KCNC1: variants seen among roughly 807,000 people sequenced by gnomAD.
KCNC1 encodes the protein voltage-gated potassium channel KCNC1.
In KCNC1, 8 loss-of-function variants were observed where a neutral mutation model predicts 43.4. The ratio of observed to expected loss-of-function variants is 0.18; its 90% confidence interval spans 0.11 to 0.33. KCNC1 has a LOEUF of 0.33. KCNC1 is among the 10% of genes least tolerant of loss of function. KCNC1 has a pLI of 1.00. For synonymous variants in KCNC1, 361 were observed against 360.5 expected, an observed-to-expected ratio of 1.00 and a Z score of -0.01; for missense variants, 420 against 836.0, an observed-to-expected ratio of 0.50 and a Z score of 6.14.
chr11:17,756,520 A>AACACACACAC (rs3051818), intron 1 of KCNC1, among the ~76,000 whole-genome samples: 44 of 143,990 alleles, frequency 3.1e-4, no homozygotes, highest in South Asian at 4.7e-4. Context: ...CTTCCCTCCA[A>AACACACACAC]ACACACACAC....
rs765166392 is a variant in KCNC1 at position 17,736,451 on chromosome 11, A to C, written c.449A>C (p.Glu150Ala). 6.2e-7 allele frequency: 1 copy of C among 1,604,310 alleles called. No homozygotes were observed. Among genetic ancestry groups the C allele is most frequent in the Non-Finnish European group, 8.5e-7 (1 of 1,178,072 alleles). ...TCGGGCGACGGCGAGGACGAGCTGGAGATGACCAAGCGCCTGGCGCTCAGT... is the reference window on the plus strand; with the variant it reads ...TCGGGCGACGGCGAGGACGAGCTGGCGATGACCAAGCGCCTGGCGCTCAGT... Reference protein sequence around the residue: ...GDSGDGEDELEMTKRLALSDS... With the variant: ...GDSGDGEDELAMTKRLALSDS... Residue 150 changes from glutamate (E) to alanine (A), a missense_variant, in exon 1 of 4, where the codon GAG (glutamate) becomes GCG (alanine). Glu to Ala is a moderately radical substitution (Grantham distance 107). Transcript: ENST00000265969. The surrounding 1 kb of genome is among the most constrained non-coding windows in gnomAD (Gnocchi z 9.3).
In KCNC1 at chr11:17,777,949, G is replaced by GT; in HGVS notation, c.1505-1507_1505-1506insT. ...TGCGTGTAGTTACATGATGTGAACA[G>GT]GATCACGGGAGAGTGTTCAATCGGG... is the stretch of plus-strand genomic sequence containing the variant. On this transcript the variant is annotated intron_variant, in intron 2 of 3. Transcript: ENST00000265969. The surrounding 1 kb of genome is among the most constrained non-coding windows in gnomAD (Gnocchi z 4.3). The GT allele has an allele frequency of 1.7e-5, 10 of 605,348 alleles. No individual in the cohort carries two copies. Among genetic ancestry groups the GT allele is most frequent in the Non-Finnish European group, 1.9e-5 (9 of 482,572 alleles). The allele number at this position is 605,348 out of a possible 1,614,324, so 37.5% of individuals were successfully genotyped here.
rs991304915 is a variant in KCNC1, at chr11:17,771,562, T to C, written c.571-103T>C. On this transcript the variant is annotated intron_variant, in intron 1 of 3. Transcript: ENST00000265969. The surrounding 1 kb of genome is among the most constrained non-coding windows in gnomAD (Gnocchi z 4.7). ...GTAGCACGTGCTGCAGGGGGCCTGG[T>C]GCTGGCATCTCCCCCCGCCTGGCCC... The C allele has an allele frequency of 3.1e-6, 3 of 972,118 alleles. No homozygotes were observed. In the African/African-American group the frequency reaches 4.9e-5, roughly 16 times the overall value. 60.2% of individuals were successfully genotyped at this position (972,118 alleles called of 1,614,324 possible).
Position 17,781,742 on chromosome 11 carries a change from G to A in KCNC1, c.*8G>A, listed in dbSNP as rs1251963943. ...GCTGTGAGAGTGACTTGACCAGGCG[G>A]CTTGGCCGAGGACACTGGTGGCTAT... On this transcript the variant is annotated 3_prime_UTR_variant, in exon 4 of 4. Transcript: ENST00000265969. The surrounding 1 kb of genome is among the most constrained non-coding windows in gnomAD (Gnocchi z 5.1). 1 of 1,548,264 alleles carries A rather than the reference G, an allele frequency of 6.5e-7. No individual in the cohort carries two copies. The highest frequency in any genetic ancestry group is 1.2e-5 in the South Asian group (1 of 83,974).
intron 1 of KCNC1, among the ~76,000 whole-genome samples, chr11:17,740,359 C>T (rs953123433): frequency 2.6e-5 from 4 of 152,072 alleles, no homozygotes; most frequent in Non-Finnish European, 4.4e-5. Flanking sequence ...TTCCTGGGGC[C>T]ATGAGAATAA....
chr11:17,762,141 A>G (rs1418202134), intron 1 of KCNC1, among the ~76,000 whole-genome samples: 1 of 152,176 alleles, frequency 6.6e-6, no homozygotes, highest in Non-Finnish European at 1.5e-5. Context: ...AGGGCTGGCC[A>G]TCACTGGATA....
At chr11:17,774,933 C>G (rs1241785798) in intron 2 of KCNC1, 1 of 985,342 alleles carries the variant, frequency 1.0e-6, no homozygotes, top group East Asian at 1.1e-4. Context: ...CGTGTGAGAC[C>G]CCGGCTATCC....
At chr11:17,772,796 C>T in intron 2 of KCNC1, 198 bp downstream of exon 2, 3 of 1,457,534 alleles carry the variant, frequency 2.1e-6, no homozygotes, top group East Asian at 2.4e-5. Context: ...GCTAGAGGAA[C>T]CTCACTGGTG....
rs1049199565 is a variant in KCNC1 at position 17,777,113 on chromosome 11, T to G, written c.1505-2343T>G. On this transcript the variant is annotated intron_variant, in intron 2 of 3. Coordinates refer to ENST00000265969, the MANE Select transcript of KCNC1 (RefSeq NM_001112741.2). The surrounding 1 kb of genome is among the most constrained non-coding windows in gnomAD (Gnocchi z 4.3). Reference sequence around the variant, plus strand: ...CAAAACCATCCCGAACTTTGGGCCCTTTAGTGATTGTGAGAGCTGGGAGCC... The same window carrying G: ...CAAAACCATCCCGAACTTTGGGCCCGTTAGTGATTGTGAGAGCTGGGAGCC... 1.0e-6 allele frequency: 1 copy of G among 984,842 alleles called. No homozygotes were observed. The highest frequency in any genetic ancestry group is 1.2e-6 in the Non-Finnish European group (1 of 829,836). 61.0% of individuals were successfully genotyped at this position (984,842 alleles called of 1,614,324 possible).
At chr11:17,749,615 C>G (rs1315083635) in intron 1 of KCNC1, among the ~76,000 whole-genome samples, 2 of 152,224 alleles carry the variant, frequency 1.3e-5, no homozygotes, top group South Asian at 4.1e-4. Flanking sequence ...CTCAGGGGCT[C>G]TCTGAGCAGC....
At chr11:17,768,616 G>GC (rs942994836) in intron 1 of KCNC1, among the ~76,000 whole-genome samples, 8 of 150,928 alleles carry the variant, frequency 5.3e-5, no homozygotes, top group East Asian at 1.9e-4. Flanking sequence ...TGTTGGTGGG[G>GC]GGGGGGGCGG....
At chr11:17,747,621 C>T (rs1356500981) in intron 1 of KCNC1, among the ~76,000 whole-genome samples, 12 of 152,170 alleles carry the variant, frequency 7.9e-5, no homozygotes, top group Admixed American at 4.6e-4. Flanking sequence ...TCCGCCAGGC[C>T]GACGCCAGCC....
chr11:17,745,313 C>G (rs1848886577), intron 1 of KCNC1, among the ~76,000 whole-genome samples: 1 of 152,176 alleles, frequency 6.6e-6, no homozygotes, highest in East Asian at 1.9e-4. Flanking sequence ...GCAACCGCAT[C>G]CATCTGGTGG....
At position 17,734,877 on chromosome 11, in the gene KCNC1, C is replaced by T. The variant is rs1364012190; in HGVS notation, c.-1126C>T. 6.7e-6 allele frequency: 1 copy of T among 149,858 alleles called. No homozygotes were observed. Among genetic ancestry groups the T allele is most frequent in the Non-Finnish European group, 1.5e-5 (1 of 67,074 alleles). 9.3% of individuals were successfully genotyped at this position (149,858 alleles called of 1,614,324 possible). A position where few individuals can be genotyped will look rare whatever the true frequency, so the allele number is the denominator to read the frequency against. On this transcript the variant is annotated 5_prime_UTR_variant, in exon 1 of 4. Transcript: ENST00000265969. ...CGGCGGCGGCAGCGGCCGCTCCGCG[C>T]CTCGCCTCACCGGCCTCGCTGGCCT...
chr11:17,773,877 C>T lies in KCNC1; in HGVS notation c.1504+1279C>T, dbSNP rs759002334. On this transcript the variant is annotated intron_variant, in intron 2 of 3. Transcript: ENST00000265969. This position sits in a 1 kb window ranked among gnomAD's most constrained non-coding sequence, Gnocchi z 4.1. ...CAGGTGGCATTTAGTCTATGAAGGACCTCCCCATGCCCAGGTCTGGCAGGA... is the reference window on the plus strand; with the variant it reads ...CAGGTGGCATTTAGTCTATGAAGGATCTCCCCATGCCCAGGTCTGGCAGGA... The T allele has an allele frequency of 4.0e-5, 39 of 985,344 alleles. No homozygotes were observed. In the Admixed American group the frequency reaches 2.4e-3, roughly 61 times the overall value. 61.0% of individuals were successfully genotyped at this position (985,344 alleles called of 1,614,324 possible). A position where few individuals can be genotyped will look rare whatever the true frequency, so the allele number is the denominator to read the frequency against.
intron 1 of KCNC1, among the ~76,000 whole-genome samples, chr11:17,741,192 G>A (rs1325335697): frequency 6.6e-6 from 1 of 151,836 alleles, no homozygotes; most frequent in Non-Finnish European, 1.5e-5. Flanking sequence ...GGGGTCCTCA[G>A]GTCTTTGAAT....
intron 1 of KCNC1, among the ~76,000 whole-genome samples, chr11:17,769,064 G>C (rs757869274): frequency 6.6e-6 from 1 of 152,202 alleles, no homozygotes; most frequent in Non-Finnish European, 1.5e-5. Context: ...CTGGATCTGG[G>C]AGCCATGGCT....
At chr11:17,748,987 A>C (rs1848933956) in intron 1 of KCNC1, among the ~76,000 whole-genome samples, 1 of 151,956 alleles carries the variant, frequency 6.6e-6, no homozygotes. Context: ...CTTGCCGGGG[A>C]GAGATCATGT....
At position 17,781,559 on chromosome 11, in the gene KCNC1, T is replaced by A. The variant is rs1849346923; in HGVS notation, c.1694-111T>A. ...CCAGCTGGAGAAGAATCTGCCTGCC[T>A]CTGCATGCGGCTGTTCTGTCTTTCC... On this transcript the variant is annotated intron_variant, in intron 3 of 3. Transcript: ENST00000265969. The surrounding 1 kb of genome is among the most constrained non-coding windows in gnomAD (Gnocchi z 5.1). 1.3e-6 allele frequency: 1 copy of A among 757,534 alleles called. No homozygotes were observed. The highest frequency in any genetic ancestry group is 2.2e-6 in the Non-Finnish European group (1 of 447,776). 46.9% of individuals were successfully genotyped at this position (757,534 alleles called of 1,614,324 possible).
Sources: gnomAD v4.1 joint callset for allele counts (sites outside exome capture counted in the v4.1 genomes callset) on GRCh38, gnomAD v4.1.1 for gene constraint, Gnocchi (gnomAD v3.1) non-coding constraint, MANE v1.5 for transcripts, NCBI Gene and HGNC (gene_info 2026-07-23, HGNC 2026-07-21) for gene names.